Variants in SLC38A6 observed in about 807,000 individuals in gnomAD.
The protein encoded by SLC38A6 is N system amino acid transporter NAT-1.
Under a neutral mutation model 65.0 loss-of-function variants are expected in SLC38A6, and 73 were observed. The observed-to-expected ratio is 1.12, with a 90% CI of 0.93 to 1.37. SLC38A6 has a LOEUF of 1.37. SLC38A6 is among the 40% of genes most tolerant of loss of function. The probability of loss-of-function intolerance (pLI) is 0.00; values close to 1 mark genes in which losing one functional copy is unlikely to be tolerated. For synonymous variants in SLC38A6, 183 were observed against 178.8 expected, an observed-to-expected ratio of 1.02 and a Z score of -0.19; for missense variants, 561 against 531.1, an observed-to-expected ratio of 1.06 and a Z score of -0.55.
chr14:60,993,842 A>G lies in SLC38A6; in HGVS notation c.310+9039A>G, dbSNP rs751388355. ...GGAAAACCTTTAATGTGAAAGATAT[A>G]TACTAAAACAGCCACATACACACAC... is the stretch of plus-strand genomic sequence containing the variant. On this transcript the variant is annotated intron_variant, in intron 3 of 15. Transcript: ENST00000267488. Among the ~76,000 whole-genome samples the G allele has an allele frequency of 4.6e-5, 7 of 152,262 alleles. No individual in the cohort carries two copies. In the East Asian group the frequency reaches 5.8e-4, roughly 13 times the overall value.
chr14:60,982,600 AGC>A lies in SLC38A6; in HGVS notation c.199_200del (p.Ala67LeufsTer5). ...TCATGGGAAGTGGCATCCTTGGCTT[AGC>A]TTATGTTTTGGCTAATACCGGTGTC... ...AIMGSGILGL[A>X]YVLANTGVFG... On this transcript the variant is annotated frameshift_variant, in exon 2 of 16. Coordinates refer to ENST00000267488, the MANE Select transcript of SLC38A6 (RefSeq NM_153811.3). LOFTEE classifies it high-confidence loss of function. 1 of 1,613,988 alleles carries A rather than the reference AGC, an allele frequency of 6.2e-7. No homozygotes were observed. The highest frequency in any genetic ancestry group is 8.5e-7 in the Non-Finnish European group (1 of 1,180,012).
At chr14:61,027,299 T>G (rs1397170004) in intron 5 of SLC38A6, among the ~76,000 whole-genome samples, 3 of 152,182 alleles carry the variant, frequency 2.0e-5, no homozygotes, top group Non-Finnish European at 2.9e-5. Context: ...GGCACTGATT[T>G]TGGCTTTGGT....
intron 8 of SLC38A6, among the ~76,000 whole-genome samples, chr14:61,039,283 GCA>G (rs1487088319): frequency 6.6e-6 from 1 of 152,094 alleles, no homozygotes; most frequent in Non-Finnish European, 1.5e-5. Context: ...TTACCTGTGA[GCA>G]CAGTTTAATC....
rs1566714350 is a variant in SLC38A6 at position 61,052,149 on chromosome 14, GT to G, written c.1290+17del. ...AAAAAGCTTGGGGTAGGTTGTTTTTGTTTCTTTCTTTCAAGACTTCTATTTT... is the reference window on the plus strand; with the variant it reads ...AAAAAGCTTGGGGTAGGTTGTTTTTGTTCTTTCTTTCAAGACTTCTATTTT... On this transcript the variant is annotated intron_variant, in intron 15 of 15. Coordinates refer to ENST00000267488, the MANE Select transcript of SLC38A6 (RefSeq NM_153811.3). 1 of 1,530,466 alleles carries G rather than the reference GT, an allele frequency of 6.5e-7. No individual in the cohort carries two copies. Among genetic ancestry groups the G allele is most frequent in the Admixed American group, 2.5e-5 (1 of 39,940 alleles). The allele number at this position is 1,530,466 out of a possible 1,614,324, so 94.8% of individuals were successfully genotyped here.
chr14:61,004,882 C>A (rs1029129956), intron 3 of SLC38A6, among the ~76,000 whole-genome samples: 34 of 151,944 alleles, frequency 2.2e-4, no homozygotes, highest in African/African-American at 8.2e-4. Flanking sequence ...GAGACACAAC[C>A]AAAAAAGAGA....
At chr14:60,991,904 C>T (rs547605483) in intron 3 of SLC38A6, among the ~76,000 whole-genome samples, 4 of 152,266 alleles carry the variant, frequency 2.6e-5, no homozygotes, top group Admixed American at 2.6e-4. Flanking sequence ...GGGATGCCTA[C>T]CAGCTGAATC....
At chr14:60,981,718 T>C (rs746547637) in intron 1 of SLC38A6, 10 of 1,312,620 alleles carry the variant, frequency 7.6e-6, no homozygotes, top group Non-Finnish European at 1.0e-5. Context: ...CCTTATTTTC[T>C]CCACCAGTCT....
chr14:61,014,170 T>A (rs1394319840), intron 3 of SLC38A6, among the ~76,000 whole-genome samples: 3 of 152,260 alleles, frequency 2.0e-5, no homozygotes, highest in Non-Finnish European at 2.9e-5. Flanking sequence ...TTCCAGTTGA[T>A]TGAATCGGCT....
chr14:60,984,024 C>T (rs1413116473), intron 2 of SLC38A6, among the ~76,000 whole-genome samples: 2 of 151,972 alleles, frequency 1.3e-5, no homozygotes, highest in Non-Finnish European at 2.9e-5. Flanking sequence ...ATGACTGGGG[C>T]AGTTCACTGG....
chr14:61,074,397 G>A lies in SLC38A6; in HGVS notation c.1291-4413G>A, dbSNP rs544448404. ...GGAAGCTGGGAAGTCCAAGAACATG[G>A]TGCTGGCTAGAATTATTTTGGTCCT... On this transcript the variant is annotated intron_variant, in intron 15 of 16. Coordinates refer to the SLC38A6 transcript ENST00000354886. Among the ~76,000 whole-genome samples, 3 of 152,308 alleles carry A rather than the reference G, an allele frequency of 2.0e-5. No individual in the cohort carries two copies. In the South Asian group the frequency reaches 6.2e-4, roughly 32 times the overall value.
At position 61,011,278 on chromosome 14, in the gene SLC38A6, G is replaced by C. The variant is rs1369019287; in HGVS notation, c.311-4626G>C. On this transcript the variant is annotated intron_variant, in intron 3 of 15. Coordinates refer to ENST00000267488, the MANE Select transcript of SLC38A6 (RefSeq NM_153811.3). ...TTGCCTATCAGCTTAAGGAGATTTT[G>C]GGCCGAGATGGTGGGGTTTTCGAGA... 5.9e-5 allele frequency among the ~76,000 whole-genome samples: 9 copies of C among 152,282 alleles called. No individual in the cohort carries two copies. In the South Asian group the frequency reaches 6.2e-4, roughly 11 times the overall value.
intron 3 of SLC38A6, among the ~76,000 whole-genome samples, chr14:60,998,523 A>AC (rs1349735592): frequency 6.6e-5 from 10 of 152,084 alleles, no homozygotes; most frequent in African/African-American, 2.4e-4. Flanking sequence ...ACTGAGAGCC[A>AC]CCTCCATCAC....
intron 5 of SLC38A6, among the ~76,000 whole-genome samples, 198 bp from the exon 6 acceptor site, chr14:61,030,247 C>T (rs955503299): frequency 3.4e-5 from 5 of 145,884 alleles, no homozygotes; most frequent in East Asian, 2.0e-4. Context: ...TGTTATTCTT[C>T]TCTACAGTTA....
At position 61,043,518 on chromosome 14, in the gene SLC38A6, A is replaced by G. The variant is rs202102516; in HGVS notation, c.744+15A>G. 2 of 1,576,180 alleles carry G rather than the reference A, an allele frequency of 1.3e-6. No individual in the cohort carries two copies. The highest frequency in any genetic ancestry group is 1.8e-5 in the Admixed American group (1 of 55,646). On this transcript the variant is annotated intron_variant, in intron 10 of 15. Coordinates refer to ENST00000267488, the MANE Select transcript of SLC38A6 (RefSeq NM_153811.3). ...TCTCCAAAGAGGTGTGTAAGTTATT[A>G]ACAGATACTTTTAGTTGATTTTTCA...
At position 61,069,695 on chromosome 14, in the gene SLC38A6, C is replaced by CA. The variant is rs532425523; in HGVS notation, c.1291-9114dup. Among the ~76,000 whole-genome samples, 130 of 152,190 alleles carry CA rather than the reference C, an allele frequency of 8.5e-4. 1 individual carries two copies. The highest frequency in any genetic ancestry group is 3.0e-3 in the African/African-American group (126 of 41,538). ...TATCTGTATGATTATTTTGGTATAC[C>CA]ATTAGTACCTTGTAAGATTTTTCGT... is the stretch of plus-strand genomic sequence containing the variant. On this transcript the variant is annotated intron_variant, in intron 15 of 16. Transcript: ENST00000354886.
chr14:61,063,698 A>G (rs535214892), intron 15 of SLC38A6, among the ~76,000 whole-genome samples: 5 of 46,432 alleles, frequency 1.1e-4, no homozygotes, highest in Non-Finnish European at 6.9e-5. Context: ...TTCTCTTTTG[A>G]GAAGATCAAG....
intron 3 of SLC38A6, among the ~76,000 whole-genome samples, chr14:60,998,022 C>T (rs762553949): frequency 8.0e-5 from 12 of 150,496 alleles, no homozygotes; most frequent in Admixed American, 1.3e-4. Context: ...TGAAAAAGCT[C>T]ATAGTCTAAT....
At chr14:61,040,672 G>A (rs2139761435) in intron 8 of SLC38A6, among the ~76,000 whole-genome samples, 2 of 152,162 alleles carry the variant, frequency 1.3e-5, no homozygotes, top group South Asian at 2.1e-4. Flanking sequence ...GGTAGAGACA[G>A]AGTCCCATTA....
intron 5 of SLC38A6, among the ~76,000 whole-genome samples, chr14:61,026,007 G>C (rs1356385474): frequency 6.6e-6 from 1 of 152,138 alleles, no homozygotes; most frequent in Non-Finnish European, 1.5e-5. Context: ...TCCCCCAAGT[G>C]CTGAAAACCT....
Sources: gnomAD v4.1 joint callset for allele counts (sites outside exome capture counted in the v4.1 genomes callset) on GRCh38, gnomAD v4.1.1 for gene constraint, MANE v1.5 for transcripts, NCBI Gene and HGNC (gene_info 2026-07-23, HGNC 2026-07-21) for gene names.